VTI1A: variants seen among roughly 807,000 people sequenced by gnomAD.
VTI1A encodes vesicle transport through interaction with t-SNAREs 1A, also known as vesicle transport through interaction with t-SNAREs homolog 1A.
A neutral mutation model predicts 34.9 loss-of-function variants in VTI1A; 22 were observed. The observed-to-expected ratio is 0.63, with a 90% CI of 0.45 to 0.90. VTI1A has a LOEUF of 0.90. Ranked by LOEUF, VTI1A falls within the 40% of genes least tolerant of loss-of-function variation. The pLI, the probability that VTI1A is intolerant of heterozygous loss-of-function variation, is 0.00. For missense variants in VTI1A, 268 were observed against 275.6 expected, an observed-to-expected ratio of 0.97 and a Z score of 0.20; for synonymous variants, 87 against 97.3, an observed-to-expected ratio of 0.89 and a Z score of 0.62.
chr10:112,623,460 C>A (rs1845806013), intron 5 of VTI1A, among the ~76,000 whole-genome samples: 2 of 135,500 alleles, frequency 1.5e-5, no homozygotes, highest in East Asian at 2.1e-4. Flanking sequence ...TTTGCCAGAA[C>A]TCTCTGAATC....
chr10:112,718,641 G>A (rs372930847), intron 7 of VTI1A, among the ~76,000 whole-genome samples: 1 of 152,142 alleles, frequency 6.6e-6, no homozygotes, highest in Non-Finnish European at 1.5e-5. Context: ...GCTCTATTCT[G>A]AAATCCCTTC....
In VTI1A at chr10:112,757,351, A is replaced by ATTTTTTTTTTTTTTTTTT. The variant is rs1175362768; in HGVS notation, c.561-57924_561-57907dup. Reference sequence around the variant, plus strand: ...CTTTCACCCTTTCTTTGTTGCTGTGATTTTTTTTTTTTTTTTTTTTTTTTT... The same window carrying ATTTTTTTTTTTTTTTTTT: ...CTTTCACCCTTTCTTTGTTGCTGTGATTTTTTTTTTTTTTTTTTTTTTTTTTTTTTTTTTTTTTTTTTT... On this transcript the variant is annotated intron_variant, in intron 7 of 7. Transcript: ENST00000393077. Among the ~76,000 whole-genome samples, 5 of 40,692 alleles carry ATTTTTTTTTTTTTTTTTT rather than the reference A, an allele frequency of 1.2e-4. 1 individual carries two copies. Among genetic ancestry groups the ATTTTTTTTTTTTTTTTTT allele is most frequent in the Admixed American group, 7.9e-4 (2 of 2,546 alleles). The allele number at this position is 40,692 out of a possible 152,430, so 26.7% of individuals were successfully genotyped here.
At chr10:112,783,257 G>A (rs1294357884) in intron 7 of VTI1A, among the ~76,000 whole-genome samples, 1 of 152,212 alleles carries the variant, frequency 6.6e-6, no homozygotes, top group African/African-American at 2.4e-5. Flanking sequence ...AGAGAACTGA[G>A]TCTTTGTCTG....
chr10:112,710,776 T>C (rs1849384748), intron 7 of VTI1A, among the ~76,000 whole-genome samples: 1 of 152,102 alleles, frequency 6.6e-6, no homozygotes, highest in Non-Finnish European at 1.5e-5. Context: ...GCTTTCTCAG[T>C]CAGTCTGCAT....
intron 5 of VTI1A, among the ~76,000 whole-genome samples, chr10:112,649,801 A>G (rs1846940169): frequency 6.6e-6 from 1 of 152,188 alleles, no homozygotes; most frequent in Non-Finnish European, 1.5e-5. Context: ...TGTACTGAAT[A>G]CTATAGGCAA....
intron 7 of VTI1A, among the ~76,000 whole-genome samples, chr10:112,778,292 G>A (rs1852011841): frequency 6.6e-6 from 1 of 152,100 alleles, no homozygotes; most frequent in African/African-American, 2.4e-5. Context: ...AAGAACCTTA[G>A]AATGGCTTCA....
chr10:112,515,336 A>T (rs1849739799), intron 3 of VTI1A, among the ~76,000 whole-genome samples: 1 of 152,092 alleles, frequency 6.6e-6, no homozygotes, highest in South Asian at 2.1e-4. Context: ...GATATTGATG[A>T]GTAGACATAT....
intron 5 of VTI1A, among the ~76,000 whole-genome samples, chr10:112,662,919 TCTTACAA>T (rs78877438): frequency 0.22 from 32,803 of 146,232 alleles, 4,859 homozygotes; most frequent in East Asian, 0.58. Flanking sequence ...TTATGCTTCT[TCTTACAA>T]ACAAACAAAC....
intron 5 of VTI1A, among the ~76,000 whole-genome samples, chr10:112,614,136 T>G (rs1845425553): frequency 1.3e-5 from 2 of 152,204 alleles, no homozygotes; most frequent in Admixed American, 1.3e-4. Context: ...AGTTAACCCC[T>G]GAGTTCGTTA....
chr10:112,546,130 CATAT>C (rs146117779), intron 5 of VTI1A, among the ~76,000 whole-genome samples: 18 of 144,580 alleles, frequency 1.2e-4, no homozygotes, highest in Admixed American at 6.9e-4. Flanking sequence ...GTGTATTTTG[CATAT>C]ATATGTGTGT....
chr10:112,697,374 ATTTTCTTTTCTTTTC>A (rs540161393), intron 7 of VTI1A, among the ~76,000 whole-genome samples: 4 of 120,712 alleles, frequency 3.3e-5, no homozygotes, highest in Admixed American at 8.5e-5. Context: ...TGTTCTTGGT[ATTTTCTTTTCTTTTC>A]TTTTCTTTTC....
intron 7 of VTI1A, among the ~76,000 whole-genome samples, chr10:112,804,684 G>C (rs1232348016): frequency 6.6e-6 from 1 of 151,930 alleles, no homozygotes; most frequent in South Asian, 2.1e-4. Context: ...GTCATTCATT[G>C]ATTGCTCATT....
At position 112,728,439 on chromosome 10, in the gene VTI1A, T is replaced by G. The variant is rs965203421; in HGVS notation, c.560+59441T>G. 3.9e-5 allele frequency among the ~76,000 whole-genome samples: 6 copies of G among 152,180 alleles called. No homozygotes were observed. The South Asian group carries it at 1.2e-3, about 32-fold the overall frequency. Reference sequence around the variant, plus strand: ...GCCCTATCTAATAAAAAGGAAACAGTTGTCCTGCTTACCATGCATGGGACA... The same window carrying G: ...GCCCTATCTAATAAAAAGGAAACAGGTGTCCTGCTTACCATGCATGGGACA... On this transcript the variant is annotated intron_variant, in intron 7 of 7. Coordinates refer to ENST00000393077, the MANE Select transcript of VTI1A (RefSeq NM_145206.4).
At chr10:112,559,300 T>C (rs774591286) in intron 5 of VTI1A, among the ~76,000 whole-genome samples, 9 of 152,224 alleles carry the variant, frequency 5.9e-5, no homozygotes, top group Admixed American at 3.3e-4. Flanking sequence ...CAAGTACAGA[T>C]TGGCAACATT....
chr10:112,451,834 T>C (rs1446719439), intron 1 of VTI1A, among the ~76,000 whole-genome samples: 1 of 152,246 alleles, frequency 6.6e-6, no homozygotes. Context: ...GCTTAAAATA[T>C]ATTTGGCTTT....
At chr10:112,782,476 G>A (rs1852161362) in intron 7 of VTI1A, among the ~76,000 whole-genome samples, 1 of 152,238 alleles carries the variant, frequency 6.6e-6, no homozygotes, top group African/African-American at 2.4e-5. Flanking sequence ...CCTTCTGAGT[G>A]AAAACATCTG....
intron 7 of VTI1A, among the ~76,000 whole-genome samples, chr10:112,682,261 T>C (rs1848241595): frequency 6.6e-6 from 1 of 152,180 alleles, no homozygotes; most frequent in African/African-American, 2.4e-5. Context: ...AAATATACAG[T>C]TTTCTCATGG....
intron 5 of VTI1A, among the ~76,000 whole-genome samples, chr10:112,615,869 C>G (rs1262763252): frequency 6.6e-6 from 1 of 152,036 alleles, no homozygotes; most frequent in Non-Finnish European, 1.5e-5. Flanking sequence ...GTGAGGTGCA[C>G]AGGGAGTAAG....
chr10:112,736,109 G>GTATATATATATATATATATATATA (rs1181090787), intron 7 of VTI1A, among the ~76,000 whole-genome samples: 11 of 116,860 alleles, frequency 9.4e-5, no homozygotes, highest in East Asian at 4.9e-4. Flanking sequence ...ATATGTGTGT[G>GTATATATATATATATATATATATA]TGTATATATA....
Sources: allele counts gnomAD v4.1 joint callset (sites outside exome capture counted in the v4.1 genomes callset), GRCh38; gene constraint gnomAD v4.1.1; transcripts MANE v1.5; gene names NCBI Gene and HGNC (gene_info 2026-07-23, HGNC 2026-07-21).